PTPRK: variants seen among roughly 807,000 people sequenced by gnomAD.
PTPRK encodes the protein receptor-type tyrosine-protein phosphatase kappa.
PTPRK carries 75 observed loss-of-function variants against 178.0 expected under a neutral mutation model. The observed-to-expected ratio is 0.42, with a 90% CI of 0.35 to 0.51. PTPRK has a LOEUF of 0.51. PTPRK is among the 20% of genes least tolerant of loss of function. The pLI, the probability that PTPRK is intolerant of heterozygous loss-of-function variation, is 0.02. For missense variants in PTPRK, 1,441 were observed against 1,797.8 expected, an observed-to-expected ratio of 0.80 and a Z score of 3.59; for synonymous variants, 637 against 620.6, an observed-to-expected ratio of 1.03 and a Z score of -0.39.
intron 8 of PTPRK, chr6:128,085,245 T>C (rs1322455779): frequency 2.6e-5 from 4 of 152,258 alleles, no homozygotes; most frequent in Non-Finnish European, 5.9e-5. Context: ...ATGCATCCGC[T>C]CTCTCCCTGC....
At chr6:128,492,294 C>T (rs1439918813) in intron 1 of PTPRK, among the ~76,000 whole-genome samples, 2 of 152,154 alleles carry the variant, frequency 1.3e-5, no homozygotes, top group African/African-American at 2.4e-5. Context: ...AAATTCCATC[C>T]ATCCACCCCC....
intron 1 of PTPRK, among the ~76,000 whole-genome samples, chr6:128,476,510 T>G (rs529523993): frequency 3.0e-4 from 46 of 152,148 alleles, no homozygotes; most frequent in Non-Finnish European, 5.2e-4. Flanking sequence ...TCCAAAAATA[T>G]GTAAGCAGTA....
rs187461679 is a variant in PTPRK, at chr6:127,996,778, C to T, written c.2767+123G>A. 8.7e-4 allele frequency: 1,095 copies of T among 1,255,010 alleles called. 11 individuals are homozygous for T. The African/African-American group carries it at 0.015, about 17-fold the overall frequency. 77.7% of individuals were successfully genotyped at this position (1,255,010 alleles called of 1,614,324 possible). On this transcript the variant is annotated intron_variant, in intron 17 of 29. Coordinates refer to ENST00000368226, the MANE Select transcript of PTPRK (RefSeq NM_002844.4). ...GAGCCCTCAAGCCTGATTGTAAATG[C>T]TGTTTTAATATTAAATAGATTACTT...
intron 6 of PTPRK, among the ~76,000 whole-genome samples, chr6:128,190,947 C>T (rs1803687308): frequency 6.6e-6 from 1 of 152,136 alleles, no homozygotes; most frequent in Non-Finnish European, 1.5e-5. Context: ...GAAGGAGCTA[C>T]CACTATCTAC....
At position 128,014,234 on chromosome 6, in the gene PTPRK, T is replaced by C. The variant is rs1583647491; in HGVS notation, c.2195-4966A>G. 4.6e-5 allele frequency among the ~76,000 whole-genome samples: 7 copies of C among 151,758 alleles called. No homozygotes were observed. The South Asian group carries it at 1.2e-3, about 27-fold the overall frequency. On this transcript the variant is annotated intron_variant, in intron 13 of 29. Transcript: ENST00000368226. ...ATAACAAACATTTCTGAGTTGTCTC[T>C]GGAAATTTCAAGCCCCTTTGTTACA...
At chr6:128,237,678 T>A (rs943989451) in intron 5 of PTPRK, among the ~76,000 whole-genome samples, 3 of 151,992 alleles carry the variant, frequency 2.0e-5, no homozygotes, top group African/African-American at 7.2e-5. Context: ...GGTTAAAAGG[T>A]TTAGGAGGGT....
At chr6:128,148,235 C>A (rs542940825) in intron 7 of PTPRK, among the ~76,000 whole-genome samples, 1 of 151,960 alleles carries the variant, frequency 6.6e-6, no homozygotes, top group South Asian at 2.1e-4. Context: ...CTATTTGGTA[C>A]CAGAAGGATG....
At chr6:128,199,206 A>G (rs2128256424) in intron 6 of PTPRK, among the ~76,000 whole-genome samples, 1 of 152,302 alleles carries the variant, frequency 6.6e-6, no homozygotes, top group East Asian at 1.9e-4. Flanking sequence ...CTCAAGGTGA[A>G]AAAGAACCAA....
chr6:128,302,757 ACT>A (rs1424638074), intron 3 of PTPRK, among the ~76,000 whole-genome samples: 2 of 151,934 alleles, frequency 1.3e-5, no homozygotes, highest in Non-Finnish European at 2.9e-5. Context: ...CCCTTTTCAT[ACT>A]CTGTTTATTC....
At chr6:128,093,596 C>CAAAAAAAAAAAAAAAAAA (rs1172145765) in intron 7 of PTPRK, among the ~76,000 whole-genome samples, 1 of 6,276 alleles carries the variant, frequency 1.6e-4, no homozygotes, top group Non-Finnish European at 3.1e-4. Context: ...GACTCTCTCT[C>CAAAAAAAAAAAAAAAAAA]AAAAAAAAAA....
intron 3 of PTPRK, among the ~76,000 whole-genome samples, chr6:128,314,315 G>T (rs1827699147): frequency 1.3e-5 from 2 of 152,154 alleles, no homozygotes; most frequent in Non-Finnish European, 2.9e-5. Flanking sequence ...GGGACTATAG[G>T]AACCTTGAAA....
intron 7 of PTPRK, among the ~76,000 whole-genome samples, chr6:128,165,860 T>C (rs1046461740): frequency 6.6e-6 from 1 of 151,562 alleles, no homozygotes; most frequent in Non-Finnish European, 1.5e-5. Context: ...TGTAGTTCAA[T>C]AGTTAAGTGA....
chr6:128,176,551 C>A (rs1038515184), intron 7 of PTPRK, among the ~76,000 whole-genome samples: 7 of 151,578 alleles, frequency 4.6e-5, no homozygotes, highest in African/African-American at 1.7e-4. Flanking sequence ...GAATTTCTGC[C>A]CTTTGAAGTT....
chr6:128,270,614 C>T (rs1434623294), intron 3 of PTPRK, among the ~76,000 whole-genome samples: 1 of 152,086 alleles, frequency 6.6e-6, no homozygotes, highest in Non-Finnish European at 1.5e-5. Flanking sequence ...CAAGCATTTT[C>T]CATATACAAT....
At chr6:128,194,018 G>T (rs1268777658) in intron 6 of PTPRK, among the ~76,000 whole-genome samples, 1 of 149,826 alleles carries the variant, frequency 6.7e-6, no homozygotes, top group Non-Finnish European at 1.5e-5. Context: ...TAATATCCAT[G>T]TAGTGAATTG....
At chr6:128,432,455 T>G (rs746637999) in intron 1 of PTPRK, among the ~76,000 whole-genome samples, 1 of 152,252 alleles carries the variant, frequency 6.6e-6, no homozygotes, top group Non-Finnish European at 1.5e-5. Context: ...TTTATAGTTA[T>G]GTAATAATGA....
At chr6:128,093,799 C>G (rs1039803839) in intron 7 of PTPRK, among the ~76,000 whole-genome samples, 9 of 151,520 alleles carry the variant, frequency 5.9e-5, no homozygotes, top group Admixed American at 4.6e-4. Context: ...CCTAAGTATT[C>G]CAGAAGGTAC....
Position 128,464,655 on chromosome 6 carries a change from A to ATATATG in PTPRK, c.100+55603_100+55604insCATATA, listed in dbSNP as rs1554271933. 5.7e-5 allele frequency among the ~76,000 whole-genome samples: 6 copies of ATATATG among 105,856 alleles called. 1 individual carries two copies. Among genetic ancestry groups the ATATATG allele is most frequent in the African/African-American group, 1.7e-4 (5 of 28,732 alleles). The allele number at this position is 105,856 out of a possible 152,430, so 69.4% of individuals were successfully genotyped here. A position where few individuals can be genotyped will look rare whatever the true frequency, so the allele number is the denominator to read the frequency against. ...TATATACACATATATATATATATAT[A>ATATATG]TATATATATATATATATATACAACA... On this transcript the variant is annotated intron_variant, in intron 1 of 29. Transcript: ENST00000368226.
rs771454618 is a variant in PTPRK, at chr6:128,519,662, G to C, written c.100+597C>G. On this transcript the variant is annotated intron_variant, in intron 1 of 29. Transcript: ENST00000368226. This position sits in a 1 kb window ranked among gnomAD's most constrained non-coding sequence, Gnocchi z 4.3. ...ACAGGGCTCCGCCAACACACACACA[G>C]AACATGCTCCAAGCAGTGCCCGAGC... Among the ~76,000 whole-genome samples the C allele has an allele frequency of 6.6e-6, 1 of 152,194 alleles. No homozygotes were observed. The highest frequency in any genetic ancestry group is 2.4e-5 in the African/African-American group (1 of 41,460).
Sources: gnomAD v4.1 joint callset for allele counts (sites outside exome capture counted in the v4.1 genomes callset) on GRCh38, gnomAD v4.1.1 for gene constraint, Gnocchi (gnomAD v3.1) non-coding constraint, MANE v1.5 for transcripts, NCBI Gene and HGNC (gene_info 2026-07-23, HGNC 2026-07-21) for gene names.